Variants in MBNL2 observed in about 807,000 individuals in gnomAD.
MBNL2 encodes the protein muscleblind like splicing regulator 2, also known as muscleblind-like protein 2.
MBNL2 carries 17 observed loss-of-function variants against 41.9 expected under a neutral mutation model. The observed-to-expected ratio is 0.41, with a 90% CI of 0.28 to 0.61. The LOEUF (loss-of-function observed/expected upper bound fraction) is 0.61. Among genes scored for constraint, MBNL2 ranks in the 20% least tolerant of loss-of-function variants. The pLI, the probability that MBNL2 is intolerant of heterozygous loss-of-function variation, is 0.35. For synonymous variants in MBNL2, 195 were observed against 182.9 expected, an observed-to-expected ratio of 1.07 and a Z score of -0.53; for missense variants, 336 against 505.6, an observed-to-expected ratio of 0.66 and a Z score of 3.22.
At chr13:97,296,218 T>C (rs990015191) in intron 2 of MBNL2, among the ~76,000 whole-genome samples, 2 of 152,204 alleles carry the variant, frequency 1.3e-5, no homozygotes, top group South Asian at 4.1e-4. Context: ...CATTTCTCTT[T>C]CTCTCTGAAA....
At chr13:97,318,376 G>A (rs570188796) in intron 2 of MBNL2, among the ~76,000 whole-genome samples, 48 of 152,256 alleles carry the variant, frequency 3.2e-4, no homozygotes, top group African/African-American at 1.1e-3. Context: ...GCACACCCTA[G>A]GACAAGATCA....
chr13:97,247,342 G>T (rs1441864054), intron 1 of MBNL2, among the ~76,000 whole-genome samples: 1 of 152,108 alleles, frequency 6.6e-6, no homozygotes, highest in Non-Finnish European at 1.5e-5. Context: ...AAACCAACAG[G>T]GCACTGGGTT....
chr13:97,334,287 G>A lies in MBNL2; in HGVS notation c.186G>A (p.Ser62=), dbSNP rs367865550. The A allele has an allele frequency of 1.9e-5, 30 of 1,609,658 alleles. No individual in the cohort carries two copies. In the African/African-American group the frequency reaches 2.0e-4, roughly 11 times the overall value. ...ACFDSLKGRC[S]RENCKYLHPP... ...ACTTGTTTTTACAGGGCCGTTGTTC[G>A]AGAGAGAACTGCAAGTATCTTCACC... is the stretch of plus-strand genomic sequence containing the variant. The change falls in exon 3 of 9, where the codon TCG becomes TCA. Residue 62 remains serine, a synonymous_variant. Transcript: ENST00000679496. This position sits in a 1 kb window ranked among gnomAD's most constrained non-coding sequence, Gnocchi z 5.3.
rs1037978709 is a variant in MBNL2 at position 97,268,960 on chromosome 13, G to A, written c.-604-6672G>A. Among the ~76,000 whole-genome samples, 11 of 152,334 alleles carry A rather than the reference G, an allele frequency of 7.2e-5. No homozygotes were observed. Among genetic ancestry groups the A allele is most frequent in the African/African-American group, 1.2e-4 (5 of 41,580 alleles). On this transcript the variant is annotated intron_variant, in intron 1 of 8. Coordinates refer to ENST00000679496, the MANE Select transcript of MBNL2 (RefSeq NM_001382683.1). This position sits in a 1 kb window ranked among gnomAD's most constrained non-coding sequence, Gnocchi z 4.6. ...AGGACGAAGGAGGGGGCGCTGTTCC[G>A]GATGCAGGCCCGTGAGGAGGGCCTG...
chr13:97,308,693 C>G (rs9584542), intron 2 of MBNL2, among the ~76,000 whole-genome samples: 68 of 152,258 alleles, frequency 4.5e-4, no homozygotes, highest in Non-Finnish European at 7.6e-4. Flanking sequence ...TTATGATGAT[C>G]GATCTGTATA....
chr13:97,227,065 C>CA (rs5806007), intron 1 of MBNL2, among the ~76,000 whole-genome samples: 2,810 of 143,882 alleles, frequency 0.02, 31 homozygotes, highest in Middle Eastern at 0.033. Flanking sequence ...AAAAAAAAAT[C>CA]AAAAAAAAAA....
intron 5 of MBNL2, among the ~76,000 whole-genome samples, chr13:97,350,219 G>A (rs896494248): frequency 6.6e-6 from 1 of 152,212 alleles, no homozygotes; most frequent in Non-Finnish European, 1.5e-5. Context: ...AGAACATTAT[G>A]TCTGAAGAAT....
chr13:97,245,827 A>G (rs1189055056), intron 1 of MBNL2, among the ~76,000 whole-genome samples: 1 of 152,224 alleles, frequency 6.6e-6, no homozygotes, highest in Non-Finnish European at 1.5e-5. Context: ...CCTTCCACTG[A>G]AACAAATCTG....
intron 8 of MBNL2, among the ~76,000 whole-genome samples, chr13:97,387,829 A>C (rs543401398): frequency 6.6e-6 from 1 of 152,326 alleles, no homozygotes; most frequent in South Asian, 2.1e-4. Flanking sequence ...GAGCCTCCTG[A>C]AAATCAAGGG....
chr13:97,182,584 A>C, the MBNL2 span, among the ~76,000 whole-genome samples: 1 of 152,204 alleles, frequency 6.6e-6, no homozygotes, highest in South Asian at 2.1e-4. Context: ...AGGCTTGGAG[A>C]TGAATGGGGT....
the MBNL2 span, among the ~76,000 whole-genome samples, chr13:97,176,968 T>C: frequency 7.3e-5 from 11 of 150,826 alleles, no homozygotes; most frequent in Non-Finnish European, 1.2e-4. Flanking sequence ...AAAAAAAATA[T>C]AGAGAATAAA....
At chr13:97,258,477 A>G (rs939308179) in intron 1 of MBNL2, among the ~76,000 whole-genome samples, 6 of 152,174 alleles carry the variant, frequency 3.9e-5, no homozygotes, top group African/African-American at 1.2e-4. Flanking sequence ...GTTTTAATAA[A>G]TTACCCTCTT....
intron 1 of MBNL2, among the ~76,000 whole-genome samples, chr13:97,265,669 G>A (rs553348159): frequency 1.3e-5 from 2 of 152,208 alleles, no homozygotes; most frequent in Non-Finnish European, 2.9e-5. Flanking sequence ...GCGTGTGTGT[G>A]TACATGCATG....
At chr13:97,247,707 A>G (rs2045743859) in intron 1 of MBNL2, among the ~76,000 whole-genome samples, 1 of 152,236 alleles carries the variant, frequency 6.6e-6, no homozygotes, top group Non-Finnish European at 1.5e-5. Flanking sequence ...AGAATGGTTA[A>G]TTAGCAATAT....
chr13:97,349,782 G>C (rs546667367), intron 5 of MBNL2, among the ~76,000 whole-genome samples: 1 of 152,290 alleles, frequency 6.6e-6, no homozygotes, highest in East Asian at 1.9e-4. Context: ...TCCCCTGCCT[G>C]CTTCTCTTAC....
At chr13:97,342,100 CT>C (rs2061488881) in intron 3 of MBNL2, among the ~76,000 whole-genome samples, 1 of 152,184 alleles carries the variant, frequency 6.6e-6, no homozygotes, top group Admixed American at 6.5e-5. Context: ...TAAGAAAAAT[CT>C]TTAGAATTTT....
intron 1 of MBNL2, among the ~76,000 whole-genome samples, chr13:97,253,394 T>C (rs2152847759): frequency 6.6e-6 from 1 of 152,330 alleles, no homozygotes; most frequent in Non-Finnish European, 1.5e-5. Context: ...GTGCCCCAAA[T>C]GTTCATGGCT....
the MBNL2 span, among the ~76,000 whole-genome samples, chr13:97,188,458 C>G: frequency 6.6e-6 from 1 of 152,114 alleles, no homozygotes. Context: ...CATTTCTGTT[C>G]AGATCATAGA....
intron 8 of MBNL2, among the ~76,000 whole-genome samples, chr13:97,390,495 TAGAAA>T (rs1172359686): frequency 6.6e-6 from 1 of 152,206 alleles, no homozygotes; most frequent in East Asian, 1.9e-4. Context: ...GTCAAAGCAT[TAGAAA>T]AGATTAAATA....
Sources: gnomAD v4.1 joint callset for allele counts (sites outside exome capture counted in the v4.1 genomes callset) on GRCh38, gnomAD v4.1.1 for gene constraint, Gnocchi (gnomAD v3.1) non-coding constraint, MANE v1.5 for transcripts, NCBI Gene and HGNC (gene_info 2026-07-23, HGNC 2026-07-21) for gene names.